NAP1L1: variants seen among roughly 807,000 people sequenced by gnomAD.
NAP1L1 encodes the protein nucleosome assembly protein 1 like 1, also known as nucleosome assembly protein 1-like 1.
A neutral mutation model predicts 58.9 loss-of-function variants in NAP1L1; 9 were observed. The ratio of observed to expected loss-of-function variants is 0.15; its 90% CI spans 0.09 to 0.27. NAP1L1 has a LOEUF of 0.27. NAP1L1 is among the 10% of genes least tolerant of loss of function. The pLI, the probability that NAP1L1 is intolerant of heterozygous loss-of-function variation, is 1.00. For missense variants in NAP1L1, 302 were observed against 458.8 expected (o/e 0.66, Z 3.12); for synonymous variants, 130 against 138.3 (o/e 0.94, Z 0.42).
intron 11 of NAP1L1, among the ~76,000 whole-genome samples, chr12:76,051,625 G>A (rs1948835475): frequency 6.6e-6 from 1 of 152,140 alleles, no homozygotes; most frequent in Non-Finnish European, 1.5e-5. Context: ...TCCGCCACCA[G>A]AGCAGCTGGG....
intron 4 of NAP1L1, among the ~76,000 whole-genome samples, chr12:76,061,338 T>A (rs1336503516): frequency 6.6e-6 from 1 of 152,324 alleles, no homozygotes; most frequent in African/African-American, 2.4e-5. Context: ...TGTTCATGAG[T>A]TCTCATCATT....
In NAP1L1 at chr12:76,053,379, A is replaced by G. The variant is rs760552868; in HGVS notation, c.771-29T>C. On this transcript the variant is annotated intron_variant, in intron 9 of 14. Transcript: ENST00000618691. The stretch of plus-strand genomic sequence containing the variant: ...GCAAAACAAAGAAGAAAAATCTATT[A>G]CAATTGACAATCTTTCAACTGCTAA... 9 of 1,595,768 alleles carry G rather than the reference A, an allele frequency of 5.6e-6. No individual in the cohort carries two copies. The South Asian group carries it at 1.0e-4, about 18-fold the overall frequency.
At position 76,045,832 on chromosome 12, in the gene NAP1L1, T is replaced by A. The variant is rs1353154377; in HGVS notation, c.*2597A>T. On this transcript the variant is annotated 3_prime_UTR_variant, in exon 15 of 15. Coordinates refer to ENST00000618691, the MANE Select transcript of NAP1L1 (RefSeq NM_004537.7). ...TTTCTTTATAAGTGATTATATGATATTTCACCATTTCTAACAGGAAAAAAT... is the reference window on the plus strand; with the variant it reads ...TTTCTTTATAAGTGATTATATGATAATTCACCATTTCTAACAGGAAAAAAT... 6.6e-6 allele frequency: 1 copy of A among 152,072 alleles called. No individual in the cohort carries two copies. The highest frequency in any genetic ancestry group is 1.5e-5 in the Non-Finnish European group (1 of 67,916). 9.4% of individuals were successfully genotyped at this position (152,072 alleles called of 1,614,324 possible). A position where few individuals can be genotyped will look rare whatever the true frequency, so the allele number is the denominator to read the frequency against.
chr12:76,063,427 A>AT (rs1949508708), intron 4 of NAP1L1, among the ~76,000 whole-genome samples: 1 of 152,238 alleles, frequency 6.6e-6, no homozygotes, highest in South Asian at 2.1e-4. Context: ...AGTAAAATAA[A>AT]TTAAAAAATA....
intron 11 of NAP1L1, among the ~76,000 whole-genome samples, chr12:76,051,627 G>A (rs1751657047): frequency 6.6e-6 from 1 of 152,142 alleles, no homozygotes; most frequent in Non-Finnish European, 1.5e-5. Context: ...CGCCACCAGA[G>A]CAGCTGGGAC....
intron 12 of NAP1L1, 54 bp from the exon 13 acceptor site, chr12:76,049,839 G>A: frequency 1.3e-6 from 2 of 1,580,570 alleles, no homozygotes; most frequent in Non-Finnish European, 1.7e-6. Context: ...ACATTTCAGA[G>A]TAGCATCAGT....
intron 6 of NAP1L1, chr12:76,057,873 C>A: frequency 6.9e-7 from 1 of 1,459,314 alleles, no homozygotes; most frequent in Admixed American, 1.9e-5. Context: ...AAGACGGTAC[C>A]ACAAAAGGTT....
chr12:76,056,559 G>A, intron 6 of NAP1L1: 1 of 450,828 alleles, frequency 2.2e-6, no homozygotes, highest in South Asian at 1.6e-5. Context: ...ATGCTAGAGA[G>A]GTGGAACACT....
intron 4 of NAP1L1, among the ~76,000 whole-genome samples, chr12:76,066,541 G>A (rs187841261): frequency 6.6e-6 from 1 of 152,084 alleles, no homozygotes; most frequent in East Asian, 1.9e-4. Flanking sequence ...AAAGGTTCAA[G>A]CATTATGTAG....
At position 76,068,948 on chromosome 12, in the gene NAP1L1, C is replaced by T. The variant is rs1444753619; in HGVS notation, c.64G>A (p.Val22Ile). 1.9e-6 allele frequency: 3 copies of T among 1,613,414 alleles called. No individual in the cohort carries two copies. The highest frequency in any genetic ancestry group is 2.5e-6 in the Non-Finnish European group (3 of 1,179,656). ...LDQDLDDVEE[V>I]EEEETGEETK... ...TCTTCACCAGTTTCCTCTTCTTCTA[C>T]TTCTTCAACATCATCCAAATCTTGA... is the stretch of plus-strand genomic sequence containing the variant. The change falls in exon 3 of 15, where the codon GTA (valine) becomes ATA (isoleucine). Residue 22 changes from valine (V) to isoleucine (I), a missense_variant. Physicochemically the swap from Val to Ile is conservative, Grantham distance 29 (BLOSUM62 3). Transcript: ENST00000618691.
chr12:76,038,806 C>T lies in NAP1L1; in HGVS notation c.*9623G>A, dbSNP rs911796856. 8 of 152,158 alleles carry T rather than the reference C, an allele frequency of 5.3e-5. No homozygotes were observed. Among genetic ancestry groups the T allele is most frequent in the African/African-American group, 9.7e-5 (4 of 41,422 alleles). 9.4% of individuals were successfully genotyped at this position (152,158 alleles called of 1,614,324 possible). A position where few individuals can be genotyped will look rare whatever the true frequency, so the allele number is the denominator to read the frequency against. On this transcript the variant is annotated 3_prime_UTR_variant, in exon 15 of 15. Transcript: ENST00000618691. Reference sequence around the variant, plus strand: ...ATTAGAACCGCCCCCATCACAATAACTACCTAAGTAAATCATTGTTGAGTA... The same window carrying T: ...ATTAGAACCGCCCCCATCACAATAATTACCTAAGTAAATCATTGTTGAGTA...
chr12:76,062,933 A>T (rs1330356727), intron 4 of NAP1L1, among the ~76,000 whole-genome samples: 1 of 152,096 alleles, frequency 6.6e-6, no homozygotes, highest in East Asian at 1.9e-4. Flanking sequence ...TACAAAGAAA[A>T]AGGAATCAGA....
rs1180167484 is a variant in NAP1L1 at position 76,056,124 on chromosome 12, T to A, written c.467A>T (p.Lys156Ile). 24 of 1,612,534 alleles carry A rather than the reference T, an allele frequency of 1.5e-5. No individual in the cohort carries two copies. Among genetic ancestry groups the A allele is most frequent in the Non-Finnish European group, 2.0e-5 (24 of 1,179,184 alleles). Residue 156 changes from lysine (K) to isoleucine (I), a missense_variant, in exon 7 of 15, where the codon AAA becomes ATA. Coordinates refer to ENST00000618691, the MANE Select transcript of NAP1L1 (RefSeq NM_004537.7). Reference protein sequence around the residue: ...LKEKAKIEDEKKDEEKEDPKG... With the variant: ...LKEKAKIEDEIKDEEKEDPKG... ...GGGGTCTTCTTTTTCTTCATCTTTT[T>A]TCTCATCTTCAATCTTGGCCTTTTC...
intron 2 of NAP1L1, among the ~76,000 whole-genome samples, chr12:76,070,127 T>C (rs1413421570): frequency 1.3e-5 from 2 of 152,160 alleles, no homozygotes; most frequent in Admixed American, 6.5e-5. Context: ...GAAAGCTTTT[T>C]TTTTTTTGGG....
Position 76,067,604 on chromosome 12 carries a change from C to T in NAP1L1, c.104-131G>A, listed in dbSNP as rs541414291. ...TGCTGGTATATCTAATGAGTAGAGA[C>T]GGGCAGGGAAAGCTAAAGAGAATAC... On this transcript the variant is annotated intron_variant, in intron 3 of 14. Transcript: ENST00000618691. 3.5e-4 allele frequency: 213 copies of T among 609,768 alleles called. 4 individuals are homozygous for T. In the South Asian group the frequency reaches 4.5e-3, roughly 13 times the overall value. 37.8% of individuals were successfully genotyped at this position (609,768 alleles called of 1,614,324 possible).
At chr12:76,050,788 A>AGCCCAG in intron 11 of NAP1L1, 135 bp from the exon 12 acceptor site, 1 of 871,048 alleles carries the variant, frequency 1.1e-6, no homozygotes, top group Non-Finnish European at 1.7e-6. Context: ...CCAAAGTAGG[A>AGCCCAG]GGATCACTTG....
chr12:76,072,348 A>G (rs942421705), intron 2 of NAP1L1, among the ~76,000 whole-genome samples: 40 of 151,894 alleles, frequency 2.6e-4, no homozygotes, highest in African/African-American at 9.7e-4. Flanking sequence ...CAGGTCTTGG[A>G]AACTAAAACA....
At chr12:76,048,761 G>C (rs1426936793) in intron 14 of NAP1L1, among the ~76,000 whole-genome samples, 2 of 152,092 alleles carry the variant, frequency 1.3e-5, no homozygotes, top group East Asian at 3.9e-4. Context: ...CTTTGTTTTT[G>C]CTAATCCTAA....
chr12:76,056,255 A>G, intron 6 of NAP1L1, 94 bp from the exon 7 acceptor site: 3 of 1,262,278 alleles, frequency 2.4e-6, no homozygotes, highest in Non-Finnish European at 3.3e-6. Context: ...CAGTCACCAG[A>G]TATTACCTTC....
Sources: gnomAD v4.1 joint callset for allele counts (sites outside exome capture counted in the v4.1 genomes callset) on GRCh38, gnomAD v4.1.1 for gene constraint, MANE v1.5 for transcripts, NCBI Gene and HGNC (gene_info 2026-07-23, HGNC 2026-07-21) for gene names.